PLK4: variants seen among roughly 807,000 people sequenced by gnomAD.
The protein encoded by PLK4 is polo like kinase 4.
Under a neutral mutation model 103.0 loss-of-function variants are expected in PLK4, and 51 were observed. That is an observed-to-expected ratio of 0.50 (90% CI 0.40 to 0.63). The LOEUF (loss-of-function observed/expected upper bound fraction) is 0.63, where lower values mean the gene tolerates loss of function less well. Ranked by LOEUF, PLK4 falls within the 20% of genes least tolerant of loss-of-function variation. PLK4 has a pLI of 0.00. For synonymous variants in PLK4, 389 were observed against 376.8 expected, an observed-to-expected ratio of 1.03 and a Z score of -0.38; for missense variants, 1,054 against 1,151.0, an observed-to-expected ratio of 0.92 and a Z score of 1.22.
rs765816115 is a variant in PLK4 at position 127,896,866 on chromosome 4, G to T, written c.2769G>T (p.Val923=). The change falls in exon 15 of 16, where the codon GTG becomes GTT. Residue 923 remains valine, a synonymous_variant. Transcript: ENST00000270861. ...DGSQLVVQAG[V]SSISYTSPNG... ...CCCAGTTGGTTGTGCAGGCAGGAGTGTCTTCTATCAGTTATACCTCACCAA... is the reference window on the plus strand; with the variant it reads ...CCCAGTTGGTTGTGCAGGCAGGAGTTTCTTCTATCAGTTATACCTCACCAA... 16 of 1,611,888 alleles carry T rather than the reference G, an allele frequency of 9.9e-6. No homozygotes were observed. Among genetic ancestry groups the T allele is most frequent in the Non-Finnish European group, 1.2e-5 (14 of 1,178,380 alleles).
chr4:127,895,741 G>A (rs1030231529), intron 14 of PLK4, among the ~76,000 whole-genome samples: 4 of 151,940 alleles, frequency 2.6e-5, no homozygotes, highest in African/African-American at 9.7e-5. Flanking sequence ...CTTTCATCTG[G>A]CAAAAGAAGA....
rs1560690277 is a variant in PLK4, at chr4:127,881,920, C to A, written c.120C>A (p.Ile40=). 7 of 1,558,440 alleles carry A rather than the reference C, an allele frequency of 4.5e-6. No homozygotes were observed. The highest frequency in any genetic ancestry group is 6.2e-6 in the Non-Finnish European group (7 of 1,129,352). The change falls in exon 2 of 16, where the codon ATC becomes ATA. Residue 40 remains isoleucine (I), a synonymous_variant. Transcript: ENST00000270861. The part of the protein sequence containing the change: ...ESIHTGLEVA[I]KMIDKKAMYK... Reference sequence around the variant, plus strand: ...TTCACACTGGTTTGGAAGTTGCAATCAAAATGGTAAGAATAAACTAATCAA... The same window carrying A: ...TTCACACTGGTTTGGAAGTTGCAATAAAAATGGTAAGAATAAACTAATCAA...
chr4:127,889,119 A>C (rs2148820056), intron 6 of PLK4, among the ~76,000 whole-genome samples: 1 of 152,284 alleles, frequency 6.6e-6, no homozygotes, highest in African/African-American at 2.4e-5. Flanking sequence ...TTGATACAAA[A>C]TACTTTCTGT....
At chr4:127,884,566 G>A (rs1392705902) in intron 4 of PLK4, among the ~76,000 whole-genome samples, 1 of 152,202 alleles carries the variant, frequency 6.6e-6, no homozygotes, top group East Asian at 1.9e-4. Flanking sequence ...CACCTTGGGG[G>A]GCTGAGGCAC....
chr4:127,886,007 AC>A lies in PLK4; in HGVS notation c.638del (p.Thr213MetfsTer8). 6.2e-7 allele frequency: 1 copy of A among 1,614,180 alleles called. No individual in the cohort carries two copies. The highest frequency in any genetic ancestry group is 8.5e-7 in the Non-Finnish European group (1 of 1,179,992). Reference sequence around the variant, plus strand: ...ACTTATCGGGAGACCACCCTTCGACACTGACACAGTCAAGAACACATTAAAT... The same window carrying A: ...ACTTATCGGGAGACCACCCTTCGACATGACACAGTCAAGAACACATTAAAT... ...TLLIGRPPFD[T>X]DTVKNTLNKV... On this transcript the variant is annotated frameshift_variant, in exon 5 of 16. Transcript: ENST00000270861. LOFTEE classifies it high-confidence loss of function.
At chr4:127,894,392 A>G (rs1735483970) in intron 13 of PLK4, among the ~76,000 whole-genome samples, 1 of 151,928 alleles carries the variant, frequency 6.6e-6, no homozygotes, top group African/African-American at 2.4e-5. Flanking sequence ...ATGCCTGGCT[A>G]ATTTTTTTTG....
rs374263658 is a variant in PLK4 at position 127,890,033 on chromosome 4, A to C, written c.1627A>C (p.Met543Leu). Residue 543 changes from methionine to leucine, a missense_variant, in exon 7 of 16, where the codon ATG (methionine) becomes CTG (leucine). This residue lies in a region of PLK4 where 680 missense variants were observed against 660.3 expected (regional missense o/e 1.03). Transcript: ENST00000270861. ...NAHSVKQQNT[M>L]KYMTALHSKP... ...ACATTCTGTAAAACAGCAAAATACC[A>C]TGAAATATATGACTGCACTTCACAG... is the stretch of plus-strand genomic sequence containing the variant. 2 of 1,613,940 alleles carry C rather than the reference A, an allele frequency of 1.2e-6. No individual in the cohort carries two copies. The highest frequency in any genetic ancestry group is 1.7e-6 in the Non-Finnish European group (2 of 1,179,810).
rs1415665608 is a variant in PLK4 at position 127,891,162 on chromosome 4, AAG to A, written c.1903_1904del (p.Glu635SerfsTer6). On this transcript the variant is annotated frameshift_variant, in exon 8 of 16. Transcript: ENST00000270861. LOFTEE classifies it high-confidence loss of function. ...GAGTATGCATCTCAAGAATATGTGA[AAG>A]AAGTTCTTCAGATATCTAGTGATGG... The A allele has an allele frequency of 6.3e-7, 1 of 1,588,858 alleles. No individual in the cohort carries two copies. The highest frequency in any genetic ancestry group is 1.7e-5 in the Admixed American group (1 of 59,472).
chr4:127,895,688 T>G (rs551271874), intron 14 of PLK4, among the ~76,000 whole-genome samples: 10 of 152,168 alleles, frequency 6.6e-5, no homozygotes, highest in African/African-American at 2.2e-4. Context: ...CCCAAAGTGC[T>G]GAGATTACAG....
In PLK4 at chr4:127,886,437, G is replaced by GA; in HGVS notation, c.1069dup (p.Arg357LysfsTer19). 1 of 1,614,098 alleles carries GA rather than the reference G, an allele frequency of 6.2e-7. No individual in the cohort carries two copies. Among genetic ancestry groups the GA allele is most frequent in the Non-Finnish European group, 8.5e-7 (1 of 1,179,942 alleles). On this transcript the variant is annotated frameshift_variant, in exon 5 of 16. Coordinates refer to ENST00000270861, the MANE Select transcript of PLK4 (RefSeq NM_014264.5). LOFTEE classifies it high-confidence loss of function. Reference sequence around the variant, plus strand: ...GGAAATCAAGAAACCAGTAATAGTGGAAGGGGAAGAGTAATTCAAGATGCA... The same window carrying GA: ...GGAAATCAAGAAACCAGTAATAGTGGAAAGGGGAAGAGTAATTCAAGATGCA...
At chr4:127,894,458 G>C (rs1560700977) in intron 13 of PLK4, among the ~76,000 whole-genome samples, 1 of 152,026 alleles carries the variant, frequency 6.6e-6, no homozygotes, top group Non-Finnish European at 1.5e-5. Flanking sequence ...TCAATCTCCT[G>C]AACTTGTGAT....
At chr4:127,885,630 A>G (rs938644018) in intron 4 of PLK4, 78 bp from the exon 5 acceptor site, 3 of 1,126,232 alleles carry the variant, frequency 2.7e-6, no homozygotes, top group Middle Eastern at 2.1e-4. Flanking sequence ...CCTGGGTTTC[A>G]TAATGTATAC....
chr4:127,899,057 T>C lies in PLK4; in HGVS notation c.*516T>C, dbSNP rs1436390283. 6.6e-6 allele frequency: 1 copy of C among 152,452 alleles called. No individual in the cohort carries two copies. The highest frequency in any genetic ancestry group is 1.9e-4 in the East Asian group (1 of 5,206). The allele number at this position is 152,452 out of a possible 1,614,324, so 9.4% of individuals were successfully genotyped here. A position where few individuals can be genotyped will look rare whatever the true frequency, so the allele number is the denominator to read the frequency against. The stretch of plus-strand genomic sequence containing the variant: ...CAAATGCATTTTATAAAAAAATAAA[T>C]ATAGTGATAAGTTACATTATCTTTT... On this transcript the variant is annotated 3_prime_UTR_variant, in exon 16 of 16. Coordinates refer to ENST00000270861, the MANE Select transcript of PLK4 (RefSeq NM_014264.5).
rs538788399 is a variant in PLK4 at position 127,892,657 on chromosome 4, T to A, written c.2188+143T>A. 4 of 579,356 alleles carry A rather than the reference T, an allele frequency of 6.9e-6. No homozygotes were observed. In the East Asian group the frequency reaches 1.3e-4, roughly 19 times the overall value. The allele number at this position is 579,356 out of a possible 1,614,324, so 35.9% of individuals were successfully genotyped here. The stretch of plus-strand genomic sequence containing the variant: ...TACATATAAATTGCACAGCGGAGTA[T>A]ACATGTCAAATCATATTAATCAAAA... On this transcript the variant is annotated intron_variant, in intron 10 of 15. Transcript: ENST00000270861.
intron 15 of PLK4, among the ~76,000 whole-genome samples, chr4:127,897,916 G>A (rs1392003237): frequency 8.0e-6 from 1 of 125,784 alleles, no homozygotes; most frequent in Admixed American, 1.0e-4. Flanking sequence ...TTGGCTCACT[G>A]CAACTTCTGC....
Position 127,891,076 on chromosome 4 carries a change from T to TTG in PLK4, c.1831-15_1831-14insGT, listed in dbSNP as rs200615480. The stretch of plus-strand genomic sequence containing the variant: ...CAAAAGAATTATTACTGATTTTGGG[T>TTG]TTTTTTTTTTTTTAGGTGAGCATAC... On this transcript the variant is annotated splice_polypyrimidine_tract_variant and intron_variant, in intron 7 of 15. Transcript: ENST00000270861. 3 of 300,914 alleles carry TTG rather than the reference T, an allele frequency of 1.0e-5. No homozygotes were observed. Among genetic ancestry groups the TTG allele is most frequent in the Non-Finnish European group, 1.6e-5 (3 of 186,868 alleles). The allele number at this position is 300,914 out of a possible 1,614,324, so 18.6% of individuals were successfully genotyped here.
chr4:127,882,041 A>C, intron 2 of PLK4, 115 bp downstream of exon 2: 1 of 633,952 alleles, frequency 1.6e-6, no homozygotes, highest in Admixed American at 2.8e-5. Flanking sequence ...TGTAAGGAAC[A>C]CTTTACATAG....
At chr4:127,896,756 T>G (rs1173463652) in intron 14 of PLK4, 45 bp from the exon 15 acceptor site, 1 of 1,132,166 alleles carries the variant, frequency 8.8e-7, no homozygotes, top group Admixed American at 2.0e-5. Flanking sequence ...TGCTGTTTTT[T>G]TTTTTTTCTG....
intron 9 of PLK4, chr4:127,892,143 T>G: frequency 5.8e-6 from 2 of 343,956 alleles, no homozygotes; most frequent in Non-Finnish European, 1.0e-5. Flanking sequence ...ACATAAATGA[T>G]TATTTATAAT....
Sources: allele counts gnomAD v4.1 joint callset (sites outside exome capture counted in the v4.1 genomes callset), GRCh38; gene constraint gnomAD v4.1.1; regional missense constraint gnomAD v4.1.1; transcripts MANE v1.5; gene names NCBI Gene and HGNC (gene_info 2026-07-23, HGNC 2026-07-21).